Variants in SLC5A7 observed in about 807,000 individuals in gnomAD.
SLC5A7 encodes the protein solute carrier family 5 member 7.
Under a neutral mutation model 55.4 loss-of-function variants are expected in SLC5A7, and 19 were observed. The observed-to-expected ratio is 0.34, with a 90% CI of 0.24 to 0.50. The LOEUF is 0.50. Ranked by LOEUF, SLC5A7 falls within the 20% of genes least tolerant of loss-of-function variation. SLC5A7 has a pLI of 0.98. For missense variants in SLC5A7, 506 were observed against 705.3 expected (o/e 0.72, Z 3.20); for synonymous variants, 265 against 263.7 (o/e 1.00, Z -0.05).
In SLC5A7 at chr2:107,992,959, G is replaced by C. The variant is rs371831798; in HGVS notation, c.293-13G>C. 9 of 1,611,896 alleles carry C rather than the reference G, an allele frequency of 5.6e-6. No homozygotes were observed. Among genetic ancestry groups the C allele is most frequent in the Non-Finnish European group, 7.6e-6 (9 of 1,179,142 alleles). On this transcript the variant is annotated splice_polypyrimidine_tract_variant and intron_variant, in intron 3 of 8. Coordinates refer to ENST00000264047, the MANE Select transcript of SLC5A7 (RefSeq NM_021815.5). ...TCTTTTTATTTTCTCCTAAACAGTT[G>C]CTTAATTTTTAGGTGGCCTGTTCTT...
intron 6 of SLC5A7, 96 bp downstream of exon 6, chr2:108,002,136 G>A (rs1677934902): frequency 2.8e-6 from 4 of 1,418,684 alleles, no homozygotes; most frequent in African/African-American, 1.4e-5. Context: ...AAATGTGCTT[G>A]TGGGCTCATG....
chr2:108,002,200 A>G lies in SLC5A7; in HGVS notation c.741+160A>G, dbSNP rs371860475. Among the ~76,000 whole-genome samples, 230 of 152,184 alleles carry G rather than the reference A, an allele frequency of 1.5e-3. 3 individuals are homozygous for G. The highest frequency in any genetic ancestry group is 5.4e-3 in the African/African-American group (226 of 41,522). On this transcript the variant is annotated intron_variant, in intron 6 of 8. Coordinates refer to ENST00000264047, the MANE Select transcript of SLC5A7 (RefSeq NM_021815.5). ...GGGAGGGTGGAGCCAGGGCCGGACT[A>G]TCGTGGCTGGCAGTGTCAGGGTGGA...
rs570261826 is a variant in SLC5A7 at position 107,991,637 on chromosome 2, G to A, written c.179-469G>A. ...TGTACGTACACATGCACACCACTCCGTGAGGACAGTATAAAAACATCAATA... is the reference window on the plus strand; with the variant it reads ...TGTACGTACACATGCACACCACTCCATGAGGACAGTATAAAAACATCAATA... On this transcript the variant is annotated intron_variant, in intron 2 of 8. Transcript: ENST00000264047. Among the ~76,000 whole-genome samples, 3 of 152,166 alleles carry A rather than the reference G, an allele frequency of 2.0e-5. No homozygotes were observed. In the East Asian group the frequency reaches 5.8e-4, roughly 29 times the overall value.
chr2:108,002,077 T>C, intron 6 of SLC5A7, 37 bp downstream of exon 6: 7 of 1,583,726 alleles, frequency 4.4e-6, no homozygotes, highest in Non-Finnish European at 6.0e-6. Context: ...GTGATTTAAT[T>C]GTTCCTGAAA....
At position 108,011,004 on chromosome 2, in the gene SLC5A7, C is replaced by T. The variant is rs1573619404; in HGVS notation, c.*143C>T. 1.2e-6 allele frequency: 1 copy of T among 833,986 alleles called. No individual in the cohort carries two copies. The highest frequency in any genetic ancestry group is 3.0e-5 in the East Asian group (1 of 33,558). The allele number at this position is 833,986 out of a possible 1,614,324, so 51.7% of individuals were successfully genotyped here. On this transcript the variant is annotated 3_prime_UTR_variant, in exon 9 of 9. Coordinates refer to ENST00000264047, the MANE Select transcript of SLC5A7 (RefSeq NM_021815.5). The stretch of plus-strand genomic sequence containing the variant: ...AAAATTCATATAAAGTGCAATTGCA[C>T]AAATACAAGCCAAGCTAGAAGGAAG...
intron 4 of SLC5A7, among the ~76,000 whole-genome samples, chr2:107,995,560 A>G (rs923262756): frequency 2.0e-5 from 3 of 151,848 alleles, no homozygotes; most frequent in African/African-American, 7.3e-5. Flanking sequence ...GAAAGTCTAA[A>G]CTTCACCACT....
intron 5 of SLC5A7, 34 bp from the exon 6 acceptor site, chr2:108,001,863 T>C: frequency 1.2e-6 from 2 of 1,611,342 alleles, no homozygotes; most frequent in Middle Eastern, 1.7e-4. Context: ...TTGAAAACCA[T>C]CGCCTAGGGC....
intron 5 of SLC5A7, among the ~76,000 whole-genome samples, chr2:107,999,098 C>G (rs1356745280): frequency 2.0e-5 from 3 of 152,094 alleles, no homozygotes. Context: ...CTCTTTTCTC[C>G]TTAGACATTT....
intron 1 of SLC5A7, among the ~76,000 whole-genome samples, chr2:107,987,341 C>T (rs1272589369): frequency 6.6e-6 from 1 of 152,158 alleles, no homozygotes; most frequent in Non-Finnish European, 1.5e-5. Flanking sequence ...TGCTTTTAGG[C>T]AATTGTGTTT....
At chr2:107,994,450 G>T (rs1009191476) in intron 4 of SLC5A7, among the ~76,000 whole-genome samples, 8 of 152,084 alleles carry the variant, frequency 5.3e-5, no homozygotes, top group African/African-American at 1.7e-4. Flanking sequence ...AGGCGTGGTG[G>T]CGGGCGCCTG....
At position 108,012,586 on chromosome 2, in the gene SLC5A7, G is replaced by A. The variant is rs1227517954; in HGVS notation, c.*1725G>A. 3.3e-5 allele frequency: 5 copies of A among 152,008 alleles called. No homozygotes were observed. The highest frequency in any genetic ancestry group is 3.3e-4 in the Admixed American group (5 of 15,254). The allele number at this position is 152,008 out of a possible 1,614,324, so 9.4% of individuals were successfully genotyped here. A position where few individuals can be genotyped will look rare whatever the true frequency, so the allele number is the denominator to read the frequency against. Reference sequence around the variant, plus strand: ...ATTTTACATGTCTCATATTTTCAGTGCTTTCTCAAAATTTGATGGTGAATA... The same window carrying A: ...ATTTTACATGTCTCATATTTTCAGTACTTTCTCAAAATTTGATGGTGAATA... On this transcript the variant is annotated 3_prime_UTR_variant, in exon 9 of 9. Transcript: ENST00000264047.
intron 6 of SLC5A7, among the ~76,000 whole-genome samples, chr2:108,003,250 CTT>C (rs1677982897): frequency 6.6e-6 from 1 of 152,124 alleles, no homozygotes; most frequent in South Asian, 2.1e-4. Flanking sequence ...GAGGATGAGA[CTT>C]AGAACAATTA....
At chr2:107,995,937 A>G (rs923368883) in intron 4 of SLC5A7, among the ~76,000 whole-genome samples, 7 of 152,106 alleles carry the variant, frequency 4.6e-5, no homozygotes, top group African/African-American at 9.7e-5. Flanking sequence ...TTTACTTACA[A>G]TTGATTTAAT....
At position 108,008,466 on chromosome 2, in the gene SLC5A7, C is replaced by G. The variant is rs1370287710; in HGVS notation, c.897C>G (p.Asp299Glu). ...ATGGTTGTTGATTCTGTTCAACAGACTGGAACCAGACTGCATATGGGCTTC... is the reference window on the plus strand; with the variant it reads ...ATGGTTGTTGATTCTGTTCAACAGAGTGGAACCAGACTGCATATGGGCTTC... ...ILIGAIGAST[D>E]WNQTAYGLPD... is the part of the protein sequence containing the mutation. Residue 299 changes from aspartate to glutamate, a missense_variant and splice_region_variant, in exon 8 of 9, where the codon GAC becomes GAG. Transcript: ENST00000264047. The G allele has an allele frequency of 1.2e-6, 2 of 1,612,682 alleles. No individual in the cohort carries two copies. The highest frequency in any genetic ancestry group is 2.7e-5 in the African/African-American group (2 of 74,872).
At chr2:107,994,660 CA>C (rs1677598441) in intron 4 of SLC5A7, among the ~76,000 whole-genome samples, 2 of 152,158 alleles carry the variant, frequency 1.3e-5, no homozygotes, top group Non-Finnish European at 2.9e-5. Context: ...ACTCCACATC[CA>C]CTGCTGCTCT....
chr2:108,009,438 T>C (rs1678233255), intron 8 of SLC5A7, among the ~76,000 whole-genome samples: 1 of 152,094 alleles, frequency 6.6e-6, no homozygotes, highest in Non-Finnish European at 1.5e-5. Flanking sequence ...TATTGACCCG[T>C]CCTCTAAGTT....
chr2:107,996,168 CAAAA>C (rs923757212), intron 4 of SLC5A7, among the ~76,000 whole-genome samples: 16 of 149,066 alleles, frequency 1.1e-4, no homozygotes, highest in African/African-American at 3.7e-4. Flanking sequence ...GAACTACACA[CAAAA>C]AAAAAGAACG....
At chr2:107,998,045 T>C (rs982129086) in intron 5 of SLC5A7, 59 bp downstream of exon 5, 109 of 1,456,340 alleles carry the variant, frequency 7.5e-5, no homozygotes, top group Middle Eastern at 3.8e-4. Flanking sequence ...ATGTATTTTA[T>C]ACTAACTCAT....
chr2:107,990,523 G>T (rs1161830882), intron 2 of SLC5A7, among the ~76,000 whole-genome samples: 1 of 151,712 alleles, frequency 6.6e-6, no homozygotes, highest in African/African-American at 2.4e-5. Flanking sequence ...AAAAAAAAAA[G>T]CCATTTTAAA....
Sources: allele counts gnomAD v4.1 joint callset (sites outside exome capture counted in the v4.1 genomes callset), GRCh38; gene constraint gnomAD v4.1.1; transcripts MANE v1.5; gene names NCBI Gene and HGNC (gene_info 2026-07-23, HGNC 2026-07-21).